SIL1: variants seen among roughly 807,000 people sequenced by gnomAD.
SIL1 encodes the protein nucleotide exchange factor SIL1.
Under a neutral mutation model 49.1 loss-of-function variants are expected in SIL1, and 40 were observed. The ratio of observed to expected loss-of-function variants is 0.81; its 90% CI spans 0.63 to 1.06. The LOEUF (loss-of-function observed/expected upper bound fraction) is 1.06, where lower values mean the gene tolerates loss of function less well. SIL1 is among the 50% of genes least tolerant of loss of function. SIL1 has a pLI of 0.00. For synonymous variants in SIL1, 253 were observed against 250.8 expected (o/e 1.01, Z -0.08); for missense variants, 500 against 572.6 (o/e 0.87, Z 1.29).
intron 7 of SIL1, among the ~76,000 whole-genome samples, chr5:138,966,974 T>C (rs1438929239): frequency 2.6e-5 from 4 of 152,216 alleles, no homozygotes; most frequent in African/African-American, 9.7e-5. Flanking sequence ...CAAGAAGCTG[T>C]GCTACTTCAC....
intron 1 of SIL1, among the ~76,000 whole-genome samples, chr5:139,132,275 A>G (rs1027672955): frequency 6.6e-6 from 1 of 152,042 alleles, no homozygotes; most frequent in African/African-American, 2.4e-5. Context: ...AGCTTCCCCC[A>G]CTCCTTGGAG....
At chr5:139,151,025 G>A (rs116718513) in intron 1 of SIL1, among the ~76,000 whole-genome samples, 4,262 of 152,246 alleles carry the variant, frequency 0.028, 198 homozygotes, top group African/African-American at 0.097. Flanking sequence ...CAATTTTCAG[G>A]AGGAGGATGC....
intron 7 of SIL1, among the ~76,000 whole-genome samples, chr5:138,993,264 G>A (rs1226647670): frequency 6.6e-6 from 1 of 152,170 alleles, no homozygotes; most frequent in Non-Finnish European, 1.5e-5. Flanking sequence ...CTGGGATGAT[G>A]AGGAAGGGCT....
chr5:138,983,912 C>T (rs963647647), intron 7 of SIL1, among the ~76,000 whole-genome samples: 5 of 152,174 alleles, frequency 3.3e-5, no homozygotes, highest in Non-Finnish European at 7.3e-5. Flanking sequence ...GCCCACAGCT[C>T]TGGGCATCAG....
At chr5:139,165,259 C>G (rs1039616524) in intron 1 of SIL1, among the ~76,000 whole-genome samples, 2 of 152,330 alleles carry the variant, frequency 1.3e-5, no homozygotes, top group South Asian at 2.1e-4. Flanking sequence ...TAAACTCAAC[C>G]GTCAGCCAGA....
chr5:138,990,073 G>A (rs1306654818), intron 7 of SIL1, among the ~76,000 whole-genome samples: 3 of 152,156 alleles, frequency 2.0e-5, no homozygotes, highest in Admixed American at 6.5e-5. Context: ...GCGTCTTCCT[G>A]CCCTCTCTTC....
At chr5:139,022,948 C>A (rs1050254116) in intron 6 of SIL1, among the ~76,000 whole-genome samples, 1 of 152,164 alleles carries the variant, frequency 6.6e-6, no homozygotes, top group Non-Finnish European at 1.5e-5. Context: ...GGCTCAGAAT[C>A]CTGTCATACC....
chr5:139,033,934 A>G (rs190291705), intron 5 of SIL1, among the ~76,000 whole-genome samples: 27 of 152,282 alleles, frequency 1.8e-4, no homozygotes, highest in Non-Finnish European at 3.8e-4. Flanking sequence ...CCCCAACTGT[A>G]ATTGCGGATT....
intron 7 of SIL1, chr5:139,013,598 T>C (rs1233268955): frequency 6.6e-6 from 1 of 152,196 alleles, no homozygotes; most frequent in Non-Finnish European, 1.5e-5. Flanking sequence ...ACATAAAGAA[T>C]ATGACATTAT....
At chr5:139,041,152 C>T (rs1769039755) in intron 5 of SIL1, among the ~76,000 whole-genome samples, 1 of 152,224 alleles carries the variant, frequency 6.6e-6, no homozygotes. Context: ...TGTGCTTCTC[C>T]TCAGCCCCTT....
At chr5:139,091,215 CAAAAATAAAAAGTTTTATA>C (rs1770335320) in intron 3 of SIL1, among the ~76,000 whole-genome samples, 1 of 151,112 alleles carries the variant, frequency 6.6e-6, no homozygotes, top group Non-Finnish European at 1.5e-5. Flanking sequence ...TTTGATTATG[CAAAAATAAAAAGTTTTATA>C]AAAAATAAAA....
intron 1 of SIL1, among the ~76,000 whole-genome samples, chr5:139,138,049 T>C (rs1167259489): frequency 6.6e-6 from 1 of 151,898 alleles, no homozygotes; most frequent in Non-Finnish European, 1.5e-5. Flanking sequence ...ACTTGATCCC[T>C]TAAACTCCTA....
At chr5:139,040,174 G>A (rs1769006725) in intron 5 of SIL1, among the ~76,000 whole-genome samples, 1 of 152,176 alleles carries the variant, frequency 6.6e-6, no homozygotes, top group South Asian at 2.1e-4. Flanking sequence ...GTAGCCAAAA[G>A]CTTGATATAT....
intron 1 of SIL1, among the ~76,000 whole-genome samples, chr5:139,169,902 T>C (rs1023338011): frequency 5.2e-5 from 5 of 97,006 alleles, no homozygotes; most frequent in African/African-American, 1.4e-4. Context: ...CTCCACAGTC[T>C]CCCTCTGATG....
intron 3 of SIL1, among the ~76,000 whole-genome samples, chr5:139,098,991 A>AT (rs962229820): frequency 2.0e-5 from 3 of 151,394 alleles, no homozygotes; most frequent in Non-Finnish European, 4.4e-5. Context: ...TAATTTTTGT[A>AT]TTTTTTGTAG....
chr5:139,076,992 C>T lies in SIL1; in HGVS notation c.245-25946G>A, dbSNP rs555365663. Reference sequence around the variant, plus strand: ...TACTAAAAATACAAAAAATTAGCTGCGCATGGCAGCACACACCTGTAAACC... The same window carrying T: ...TACTAAAAATACAAAAAATTAGCTGTGCATGGCAGCACACACCTGTAAACC... On this transcript the variant is annotated intron_variant, in intron 3 of 9. Transcript: ENST00000394817. Among the ~76,000 whole-genome samples, 5 of 152,184 alleles carry T rather than the reference C, an allele frequency of 3.3e-5. No individual in the cohort carries two copies. In the South Asian group the frequency reaches 1.0e-3, roughly 32 times the overall value.
chr5:139,078,669 AC>A (rs1770004623), intron 3 of SIL1, among the ~76,000 whole-genome samples: 1 of 152,356 alleles, frequency 6.6e-6, no homozygotes, highest in African/African-American at 2.4e-5. Flanking sequence ...ACCACACTGC[AC>A]ACATCAAATG....
At chr5:139,185,968 T>C (rs930876457) in intron 1 of SIL1, among the ~76,000 whole-genome samples, 9 of 152,376 alleles carry the variant, frequency 5.9e-5, no homozygotes, top group South Asian at 4.1e-4. Flanking sequence ...TTCTGTACAA[T>C]GTATTTCCCT....
At chr5:139,087,829 T>A (rs1458704843) in intron 3 of SIL1, among the ~76,000 whole-genome samples, 4 of 151,998 alleles carry the variant, frequency 2.6e-5, no homozygotes, top group Admixed American at 2.6e-4. Context: ...TTACACCAAG[T>A]TCTCAAACAA....
Sources: allele counts gnomAD v4.1 joint callset (sites outside exome capture counted in the v4.1 genomes callset), GRCh38; gene constraint gnomAD v4.1.1; transcripts MANE v1.5; gene names NCBI Gene and HGNC (gene_info 2026-07-23, HGNC 2026-07-21).